FBXL20: variants seen among roughly 807,000 people sequenced by gnomAD.
FBXL20 encodes F-box and leucine rich repeat protein 20.
Under a neutral mutation model 64.0 loss-of-function variants are expected in FBXL20, and 11 were observed. The ratio of observed to expected loss-of-function variants is 0.17; its 90% confidence interval spans 0.11 to 0.28. The LOEUF (loss-of-function observed/expected upper bound fraction) is 0.28. FBXL20 is among the 10% of genes least tolerant of loss of function. The pLI is 1.00. For missense variants in FBXL20, 303 were observed against 526.2 expected, an observed-to-expected ratio of 0.58 and a Z score of 4.15; for synonymous variants, 184 against 189.0, an observed-to-expected ratio of 0.97 and a Z score of 0.22.
At chr17:39,383,842 G>A (rs934213409) in intron 1 of FBXL20, among the ~76,000 whole-genome samples, 3 of 151,486 alleles carry the variant, frequency 2.0e-5, no homozygotes, top group South Asian at 4.2e-4. Context: ...CACCCACCTC[G>A]GCCTCCCAAA....
At chr17:39,293,053 A>G (rs1597780480) in intron 6 of FBXL20, among the ~76,000 whole-genome samples, 1 of 151,968 alleles carries the variant, frequency 6.6e-6, no homozygotes, top group Non-Finnish European at 1.5e-5. Flanking sequence ...TTGGCCTCCC[A>G]AAGTGCTGGG....
At chr17:39,356,799 G>A (rs909632633) in intron 1 of FBXL20, among the ~76,000 whole-genome samples, 2 of 150,216 alleles carry the variant, frequency 1.3e-5, no homozygotes, top group African/African-American at 2.5e-5. Context: ...GGAACTACGG[G>A]TGCGTGCCAC....
chr17:39,344,351 C>CAA (rs143333496), intron 1 of FBXL20, among the ~76,000 whole-genome samples: 2 of 97,144 alleles, frequency 2.1e-5, no homozygotes, highest in Admixed American at 9.9e-5. Context: ...AACCCCTCTC[C>CAA]AAAAAAAAAA....
chr17:39,333,399 G>A (rs1260462038), intron 2 of FBXL20, among the ~76,000 whole-genome samples: 1 of 152,220 alleles, frequency 6.6e-6, no homozygotes, highest in Non-Finnish European at 1.5e-5. Flanking sequence ...TGCCAGCCTC[G>A]GCCTCCCGAG....
chr17:39,343,695 C>CCTT (rs926629112), intron 1 of FBXL20, among the ~76,000 whole-genome samples: 4 of 134,604 alleles, frequency 3.0e-5, no homozygotes, highest in Non-Finnish European at 3.2e-5. Context: ...GGCGAAAACT[C>CCTT]TTTTTTTTTT....
rs1166507927 is a variant in FBXL20 at position 39,258,462 on chromosome 17, A to C, written c.*2998T>G. 6.6e-6 allele frequency: 1 copy of C among 152,254 alleles called. No individual in the cohort carries two copies. The highest frequency in any genetic ancestry group is 1.5e-5 in the Non-Finnish European group (1 of 68,044). The allele number at this position is 152,254 out of a possible 1,614,324, so 9.4% of individuals were successfully genotyped here. On this transcript the variant is annotated 3_prime_UTR_variant, in exon 15 of 15. Coordinates refer to ENST00000264658, the MANE Select transcript of FBXL20 (RefSeq NM_032875.3). ...CTGACAACATACAAGCCAGTGCTGC[A>C]CATCTCTGAGTCTTCATTCTCTCTC...
Position 39,401,385 on chromosome 17 carries a change from G to A in FBXL20, c.18C>T (p.Asn6=), listed in dbSNP as rs1345161333. The A allele has an allele frequency of 3.7e-6, 6 of 1,611,786 alleles. No homozygotes were observed. Among genetic ancestry groups the A allele is most frequent in the Non-Finnish European group, 4.2e-6 (5 of 1,179,092 alleles). The change falls in exon 1 of 15, where the codon AAC becomes AAT. Residue 6 remains asparagine, a synonymous_variant. Coordinates refer to ENST00000264658, the MANE Select transcript of FBXL20 (RefSeq NM_032875.3). The part of the protein sequence containing the change: MRRDV[N]GVTKSRFEMF... ...CCTCAAACCTGCTCTTGGTCACTCC[G>A]TTCACGTCCCTCCTCATGGGGCCGG...
chr17:39,326,472 T>C (rs1322595808), intron 2 of FBXL20, among the ~76,000 whole-genome samples: 4 of 151,644 alleles, frequency 2.6e-5, no homozygotes, highest in South Asian at 2.1e-4. Context: ...AATACAAAAA[T>C]TAGCTGGGTG....
At chr17:39,397,961 C>G (rs1390444740) in intron 1 of FBXL20, among the ~76,000 whole-genome samples, 1 of 146,382 alleles carries the variant, frequency 6.8e-6, no homozygotes, top group African/African-American at 2.5e-5. Context: ...AAGTGTAAAA[C>G]AGAATCGTAA....
intron 1 of FBXL20, among the ~76,000 whole-genome samples, chr17:39,360,538 T>C (rs2047784562): frequency 6.6e-6 from 1 of 152,174 alleles, no homozygotes; most frequent in Admixed American, 6.6e-5. Flanking sequence ...AAATCTTTTC[T>C]CTACATGGTT....
intron 8 of FBXL20, among the ~76,000 whole-genome samples, chr17:39,282,475 ATGG>A (rs1376227165): frequency 1.3e-5 from 2 of 152,148 alleles, no homozygotes; most frequent in Non-Finnish European, 2.9e-5. Context: ...CTTCTTGACC[ATGG>A]TGTATCTTTA....
intron 5 of FBXL20, among the ~76,000 whole-genome samples, chr17:39,297,849 C>A (rs1234410174): frequency 6.6e-6 from 1 of 152,054 alleles, no homozygotes; most frequent in Non-Finnish European, 1.5e-5. Flanking sequence ...GATTCTCCTG[C>A]CTCAGCCTCC....
intron 1 of FBXL20, among the ~76,000 whole-genome samples, chr17:39,398,679 G>T (rs185397172): frequency 9.6e-5 from 14 of 146,294 alleles, no homozygotes; most frequent in Non-Finnish European, 2.0e-4. Flanking sequence ...GTTGTTTTTT[G>T]TTTTTTTTTT....
rs569062142 is a variant in FBXL20 at position 39,261,179 on chromosome 17, A to G, written c.*281T>C. ...GGAATGCCCCTCCCTATCTTGGCCT[A>G]TGATTTTCTTATGGGCACCTCAACA... On this transcript the variant is annotated 3_prime_UTR_variant, in exon 15 of 15. Transcript: ENST00000264658. 2 of 328,206 alleles carry G rather than the reference A, an allele frequency of 6.1e-6. No homozygotes were observed. Among genetic ancestry groups the G allele is most frequent in the Non-Finnish European group, 1.2e-5 (2 of 173,700 alleles). The allele number at this position is 328,206 out of a possible 1,614,324, so 20.3% of individuals were successfully genotyped here. A position where few individuals can be genotyped will look rare whatever the true frequency, so the allele number is the denominator to read the frequency against.
At chr17:39,377,954 A>G (rs1356344602) in intron 1 of FBXL20, among the ~76,000 whole-genome samples, 1 of 152,014 alleles carries the variant, frequency 6.6e-6, no homozygotes, top group Non-Finnish European at 1.5e-5. Flanking sequence ...TTGACGCTTC[A>G]GTGAACTGTG....
chr17:39,259,281 T>G lies in FBXL20; in HGVS notation c.*2179A>C, dbSNP rs1043371899. ...GAGTTTGAGTCCAGGCTGGGCAAGA[T>G]AGCGAGACCCCATCTCTAAAAAAAT... On this transcript the variant is annotated 3_prime_UTR_variant, in exon 15 of 15. Coordinates refer to ENST00000264658, the MANE Select transcript of FBXL20 (RefSeq NM_032875.3). 6.6e-6 allele frequency: 1 copy of G among 152,040 alleles called. No homozygotes were observed. Among genetic ancestry groups the G allele is most frequent in the African/African-American group, 2.4e-5 (1 of 41,476 alleles). The allele number at this position is 152,040 out of a possible 1,614,324, so 9.4% of individuals were successfully genotyped here.
chr17:39,333,030 T>G (rs946489288), intron 2 of FBXL20, among the ~76,000 whole-genome samples: 2 of 152,036 alleles, frequency 1.3e-5, no homozygotes, highest in African/African-American at 4.8e-5. Context: ...CTCTAACTCC[T>G]GGCCTGAAGC....
At chr17:39,290,849 CA>C (rs2047031258) in intron 6 of FBXL20, among the ~76,000 whole-genome samples, 1 of 152,176 alleles carries the variant, frequency 6.6e-6, no homozygotes, top group Admixed American at 6.5e-5. Flanking sequence ...AGGCATGAGC[CA>C]ATGCACTCAG....
chr17:39,265,273 G>A, intron 13 of FBXL20, 124 bp downstream of exon 13: 2 of 671,122 alleles, frequency 3.0e-6, no homozygotes, highest in South Asian at 4.1e-5. Flanking sequence ...TCAGTAAGCT[G>A]GCAGTTTGAA....
Sources: gnomAD v4.1 joint callset for allele counts (sites outside exome capture counted in the v4.1 genomes callset) on GRCh38, gnomAD v4.1.1 for gene constraint, MANE v1.5 for transcripts, NCBI Gene and HGNC (gene_info 2026-07-23, HGNC 2026-07-21) for gene names.